HAO1: variants seen among roughly 807,000 people sequenced by gnomAD.
HAO1 encodes the protein 2-Hydroxyacid oxidase 1.
HAO1 carries 34 observed loss-of-function variants against 39.7 expected under a neutral mutation model. The ratio of observed to expected loss-of-function variants is 0.86; its 90% CI spans 0.65 to 1.14. The LOEUF (loss-of-function observed/expected upper bound fraction) is 1.14, where lower values mean the gene tolerates loss of function less well. Ranked by LOEUF, HAO1 falls within the 50% of genes most tolerant of loss-of-function variation. The pLI is 0.00. For synonymous variants in HAO1, 172 were observed against 173.2 expected (o/e 0.99, Z 0.05); for missense variants, 479 against 464.5 (o/e 1.03, Z -0.29).
At chr20:7,905,205 T>G (rs900158333) in intron 4 of HAO1, among the ~76,000 whole-genome samples, 1 of 149,252 alleles carries the variant, frequency 6.7e-6, no homozygotes, top group African/African-American at 2.6e-5. Context: ...TAAGAACATC[T>G]GGATTTAAAC....
intron 1 of HAO1, among the ~76,000 whole-genome samples, chr20:7,937,845 A>G (rs1011377992): frequency 6.6e-6 from 1 of 152,126 alleles, no homozygotes; most frequent in Non-Finnish European, 1.5e-5. Flanking sequence ...GGGTGGTTCC[A>G]TTTACTTGTC....
intron 4 of HAO1, among the ~76,000 whole-genome samples, chr20:7,904,796 G>A (rs1485921084): frequency 6.6e-6 from 1 of 152,188 alleles, no homozygotes; most frequent in African/African-American, 2.4e-5. Flanking sequence ...GAGAATGGAT[G>A]AATGAATAAA....
At position 7,885,349 on chromosome 20, in the gene HAO1, C is replaced by G. The variant is rs2050145776; in HGVS notation, c.1042+172G>C. On this transcript the variant is annotated intron_variant, in intron 7 of 7. Transcript: ENST00000378789. ...GTGAAAAACAGAGGTTAAGTAATTA[C>G]TAGAGACTGCACATGCAGAGTTCCT... 8 of 610,806 alleles carry G rather than the reference C, an allele frequency of 1.3e-5. No individual in the cohort carries two copies. The South Asian group carries it at 1.6e-4, about 12-fold the overall frequency. 37.8% of individuals were successfully genotyped at this position (610,806 alleles called of 1,614,324 possible).
intron 3 of HAO1, among the ~76,000 whole-genome samples, chr20:7,909,989 G>A (rs1449236834): frequency 6.6e-6 from 1 of 152,172 alleles, no homozygotes; most frequent in Admixed American, 6.5e-5. Flanking sequence ...AAGGTTCAGG[G>A]AATGAATTTT....
chr20:7,912,693 C>A (rs2050285752), intron 3 of HAO1, among the ~76,000 whole-genome samples: 1 of 152,198 alleles, frequency 6.6e-6, no homozygotes, highest in East Asian at 1.9e-4. Flanking sequence ...AAGACTATGT[C>A]AGAGGCTTTT....
At chr20:7,902,908 A>G (rs1037394027) in intron 4 of HAO1, among the ~76,000 whole-genome samples, 2 of 152,234 alleles carry the variant, frequency 1.3e-5, no homozygotes, top group African/African-American at 4.8e-5. Flanking sequence ...TCATTAAAAT[A>G]CAATTATTAA....
chr20:7,932,608 A>G (rs1229374889), intron 2 of HAO1, among the ~76,000 whole-genome samples: 1 of 152,206 alleles, frequency 6.6e-6, no homozygotes, highest in Non-Finnish European at 1.5e-5. Flanking sequence ...GGACCTGACT[A>G]TTGTTTGCAA....
intron 5 of HAO1, 54 bp downstream of exon 5, chr20:7,895,079 C>T (rs2050190326): frequency 2.8e-6 from 3 of 1,066,930 alleles, no homozygotes; most frequent in Middle Eastern, 2.0e-4. Flanking sequence ...GATAGTAACA[C>T]AGTGATGGAA....
chr20:7,921,982 G>GA (rs1213009738), intron 2 of HAO1, among the ~76,000 whole-genome samples: 1 of 151,986 alleles, frequency 6.6e-6, no homozygotes, highest in Non-Finnish European at 1.5e-5. Context: ...GAAAAGGGCT[G>GA]AAAAAAACTA....
At chr20:7,917,720 A>G (rs1010293493) in intron 2 of HAO1, among the ~76,000 whole-genome samples, 1 of 152,208 alleles carries the variant, frequency 6.6e-6, no homozygotes, top group Non-Finnish European at 1.5e-5. Context: ...ATACAAAGAC[A>G]TCATGTAGTC....
At chr20:7,891,970 C>T (rs768487424) in intron 5 of HAO1, among the ~76,000 whole-genome samples, 6 of 152,170 alleles carry the variant, frequency 3.9e-5, no homozygotes, top group East Asian at 3.8e-4. Flanking sequence ...TCACTTTCCA[C>T]GTCTGTTTAC....
At chr20:7,892,764 GTAGA>G (rs1428029530) in intron 5 of HAO1, among the ~76,000 whole-genome samples, 5 of 151,866 alleles carry the variant, frequency 3.3e-5, no homozygotes, top group African/African-American at 4.8e-5. Context: ...AGATAGATAG[GTAGA>G]TAGATAGTAA....
At chr20:7,917,096 T>C (rs1221342093) in intron 2 of HAO1, among the ~76,000 whole-genome samples, 2 of 152,152 alleles carry the variant, frequency 1.3e-5, no homozygotes, top group Non-Finnish European at 2.9e-5. Flanking sequence ...TCCCAGCACT[T>C]TGGGAGGCCA....
chr20:7,934,472 T>C lies in HAO1; in HGVS notation c.289+12A>G, dbSNP rs752945963. ...CCTCCTTCTGTCCCTGTGGTGACAATCTTCCTCCTACCTCTCACAGTGGCA... is the reference window on the plus strand; with the variant it reads ...CCTCCTTCTGTCCCTGTGGTGACAACCTTCCTCCTACCTCTCACAGTGGCA... On this transcript the variant is annotated intron_variant, in intron 2 of 7. Transcript: ENST00000378789. 6.2e-7 allele frequency: 1 copy of C among 1,602,962 alleles called. No homozygotes were observed. Among genetic ancestry groups the C allele is most frequent in the South Asian group, 1.1e-5 (1 of 89,550 alleles).
rs1185738044 is a variant in HAO1 at position 7,883,042 on chromosome 20, G to C, written c.*551C>G. 2 of 153,604 alleles carry C rather than the reference G, an allele frequency of 1.3e-5. No individual in the cohort carries two copies. The highest frequency in any genetic ancestry group is 4.8e-5 in the African/African-American group (2 of 41,424). 9.5% of individuals were successfully genotyped at this position (153,604 alleles called of 1,614,324 possible). A position where few individuals can be genotyped will look rare whatever the true frequency, so the allele number is the denominator to read the frequency against. On this transcript the variant is annotated 3_prime_UTR_variant, in exon 8 of 8. Transcript: ENST00000378789. ...AAGTAACATACATCCTAAAACATTT[G>C]GATATATTCAGACACTAAAGATGTG...
chr20:7,889,987 C>G (rs962982197), intron 5 of HAO1, among the ~76,000 whole-genome samples: 11 of 152,096 alleles, frequency 7.2e-5, no homozygotes, highest in African/African-American at 2.7e-4. Context: ...TTCTTCTGTG[C>G]AAGTACTGAG....
chr20:7,923,662 C>A (rs1384100905), intron 2 of HAO1, among the ~76,000 whole-genome samples: 1 of 152,102 alleles, frequency 6.6e-6, no homozygotes, highest in Admixed American at 6.6e-5. Context: ...GGCTTGGAAC[C>A]AACAGGAACT....
chr20:7,923,844 A>G (rs1427601177), intron 2 of HAO1, among the ~76,000 whole-genome samples: 1 of 152,188 alleles, frequency 6.6e-6, no homozygotes, highest in African/African-American at 2.4e-5. Context: ...TTTGAGAACC[A>G]TGAGGTAGAT....
At chr20:7,901,789 A>T (rs1457897073) in intron 4 of HAO1, among the ~76,000 whole-genome samples, 2 of 152,188 alleles carry the variant, frequency 1.3e-5, no homozygotes, top group Non-Finnish European at 2.9e-5. Flanking sequence ...ACTTTCTGGA[A>T]AGGATTCACC....
Sources: gnomAD v4.1 joint callset for allele counts (sites outside exome capture counted in the v4.1 genomes callset) on GRCh38, gnomAD v4.1.1 for gene constraint, MANE v1.5 for transcripts, NCBI Gene and HGNC (gene_info 2026-07-23, HGNC 2026-07-21) for gene names.